HAPLN2: variants seen among roughly 807,000 people sequenced by gnomAD.
HAPLN2 encodes the protein hyaluronan and proteoglycan link protein 2, also known as brain link protein-1.
A neutral mutation model predicts 29.3 loss-of-function variants in HAPLN2; 27 were observed. The observed-to-expected ratio is 0.92, with a 90% CI of 0.68 to 1.27. HAPLN2 has a LOEUF of 1.27. HAPLN2 is among the 50% of genes most tolerant of loss of function. HAPLN2 has a pLI of 0.00. For missense variants in HAPLN2, 454 were observed against 484.3 expected, an observed-to-expected ratio of 0.94 and a Z score of 0.59; for synonymous variants, 208 against 211.7, an observed-to-expected ratio of 0.98 and a Z score of 0.15.
chr1:156,603,942 C>A, the HAPLN2 span, among the ~76,000 whole-genome samples: 1 of 152,136 alleles, frequency 6.6e-6, no homozygotes, highest in East Asian at 1.9e-4. Context: ...GTCTGAGACC[C>A]CTGGGAGCTT....
At chr1:156,624,907 C>CCGGGGGG in intron 6 of HAPLN2, 124 bp downstream of exon 6, 1 of 1,144,276 alleles carries the variant, frequency 8.7e-7, no homozygotes, top group Non-Finnish European at 1.2e-6. Flanking sequence ...GCCCCCCCAT[C>CCGGGGGG]AGCCCGCCCG....
At chr1:156,624,566 G>A (rs768147616) in intron 5 of HAPLN2, 35 bp from the exon 6 acceptor site, 8 of 1,606,290 alleles carry the variant, frequency 5.0e-6, no homozygotes, top group East Asian at 2.2e-5. Context: ...TGCCTATGAC[G>A]CCTCTTATCC....
In HAPLN2 at chr1:156,624,700, G is replaced by T; in HGVS notation, c.656G>T (p.Gly219Val). The change falls in exon 6 of 7, where the codon GGC (glycine) becomes GTC (valine). Residue 219 changes from glycine to valine, a missense_variant. By Grantham distance (109) the Gly-to-Val change is moderately radical. Coordinates refer to ENST00000255039, the MANE Select transcript of HAPLN2 (RefSeq NM_021817.3). ...LTARAPCGGRGRPGIRSYGPR... is the reference protein window; with the variant it reads ...LTARAPCGGRVRPGIRSYGPR... ...GCACGCGCCCCGTGCGGCGGCCGAG[G>T]CCGGCCCGGGATCCGCAGCTACGGA... The T allele has an allele frequency of 1.3e-6, 2 of 1,593,912 alleles. No homozygotes were observed.
At chr1:156,617,067 G>A (rs564111581), upstream of HAPLN2, among the ~76,000 whole-genome samples, 13 of 149,686 alleles carry the variant, frequency 8.7e-5, no homozygotes, top group African/African-American at 2.9e-4. Flanking sequence ...TCCAGCCTGG[G>A]TGACAGAGTG....
the HAPLN2 span, among the ~76,000 whole-genome samples, chr1:156,602,549 C>CAAAA: frequency 1.4e-4 from 6 of 43,788 alleles, no homozygotes; most frequent in African/African-American, 2.1e-4. Flanking sequence ...CTAAAAATAC[C>CAAAA]AAAAAAAAAA....
At chr1:156,621,383 G>A (rs1678215938) in intron 2 of HAPLN2, among the ~76,000 whole-genome samples, 1 of 151,654 alleles carries the variant, frequency 6.6e-6, no homozygotes, top group Non-Finnish European at 1.5e-5. Flanking sequence ...GATTACAGGT[G>A]TGACCCACTG....
At chr1:156,604,446 C>T in the HAPLN2 span, among the ~76,000 whole-genome samples, 595 of 152,198 alleles carry the variant, frequency 3.9e-3, 5 homozygotes, top group African/African-American at 0.013. Flanking sequence ...CGTGCCACCA[C>T]GCCCAGCTAA....
At chr1:156,610,145 T>G in the HAPLN2 span, among the ~76,000 whole-genome samples, 1 of 150,952 alleles carries the variant, frequency 6.6e-6, no homozygotes, top group South Asian at 2.1e-4. Flanking sequence ...ACCCAGGAGG[T>G]GGAGGTTCCA....
At chr1:156,602,367 A>G in the HAPLN2 span, among the ~76,000 whole-genome samples, 82,539 of 151,478 alleles carry the variant, frequency 0.54, 26,677 homozygotes, top group Non-Finnish European at 0.72. Context: ...GAAACTTGGG[A>G]CCTTGAGTGG....
Position 156,623,847 on chromosome 1 carries a change from C to T in HAPLN2, c.126C>T (p.His42=), listed in dbSNP as rs1381110576. The change falls in exon 4 of 7, where the codon CAC becomes CAT. Residue 42 remains histidine (H), a synonymous_variant. Coordinates refer to ENST00000255039, the MANE Select transcript of HAPLN2 (RefSeq NM_021817.3). ...PGPHYLLPPI[H]EVIHSHRGAT... is the part of the protein sequence containing the mutation. ...CCCACTACCTCCTGCCCCCCATCCA[C>T]GAGGTCATTCACTCTCATCGTGGGG... 1.3e-6 allele frequency: 2 copies of T among 1,543,210 alleles called. No individual in the cohort carries two copies. The highest frequency in any genetic ancestry group is 8.7e-7 in the Non-Finnish European group (1 of 1,145,346).
chr1:156,602,657 G>C, the HAPLN2 span, among the ~76,000 whole-genome samples: 5 of 151,216 alleles, frequency 3.3e-5, no homozygotes, highest in African/African-American at 1.2e-4. Flanking sequence ...AGTGAGGGGA[G>C]GGCGGAGGTT....
At position 156,625,417 on chromosome 1, in the gene HAPLN2, G is replaced by C. The variant is rs1284741889; in HGVS notation, c.*33G>C. 6.5e-7 allele frequency: 1 copy of C among 1,545,796 alleles called. No individual in the cohort carries two copies. On this transcript the variant is annotated 3_prime_UTR_variant, in exon 7 of 7. Transcript: ENST00000255039. The surrounding 1 kb of genome is among the most constrained non-coding windows in gnomAD (Gnocchi z 5.7). ...CCGTGTCCCCTCCAGCGCGCGCGAA[G>C]AAGCTTGGGAGTCGTGGCGGGGGTC...
chr1:156,618,470 C>A (rs1042226586), upstream of HAPLN2, among the ~76,000 whole-genome samples: 3 of 151,378 alleles, frequency 2.0e-5, no homozygotes, highest in Admixed American at 6.6e-5. Flanking sequence ...CAGATAGAGG[C>A]CTTGTCTTAA....
chr1:156,603,042 A>G, the HAPLN2 span, among the ~76,000 whole-genome samples: 1 of 152,076 alleles, frequency 6.6e-6, no homozygotes, highest in African/African-American at 2.4e-5. Flanking sequence ...AACATGCTAC[A>G]TGGGGACAAT....
At chr1:156,601,530 C>A in the HAPLN2 span, 4 of 1,453,534 alleles carry the variant, frequency 2.8e-6, 1 homozygote, top group Admixed American at 7.8e-5. Context: ...TCCGCGGGAA[C>A]CAAAATCACG....
At chr1:156,604,083 A>T in the HAPLN2 span, among the ~76,000 whole-genome samples, 1 of 152,204 alleles carries the variant, frequency 6.6e-6, no homozygotes, top group Non-Finnish European at 1.5e-5. Flanking sequence ...AAAGGCCATT[A>T]TGAGAGAAAA....
intron 2 of HAPLN2, among the ~76,000 whole-genome samples, chr1:156,621,102 A>ATTT (rs10653107): frequency 0.027 from 3,351 of 126,006 alleles, 129 homozygotes; most frequent in Middle Eastern, 0.036. Context: ...AGAAGTCTTC[A>ATTT]TTTTTTTTTT....
rs1678412841 is a variant in HAPLN2 at position 156,625,289 on chromosome 1, C to T, written c.928C>T (p.Arg310Cys). The change falls in exon 7 of 7, where the codon CGC becomes TGC. Residue 310 changes from arginine to cysteine, a missense_variant. By Grantham distance (180) the Arg-to-Cys change is radical. Around this residue, in one of 3 missense-constraint regions of HAPLN2, gnomAD observed 235 missense variants for 236.9 expected, o/e 0.99. Transcript: ENST00000255039. The surrounding 1 kb of genome is among the most constrained non-coding windows in gnomAD (Gnocchi z 5.7). ...CTTCCCAATCACCACGCCGAGGCCG[C>T]GCTGCGGGGGGCTCCCGGATCCCGG... ...VRFPITTPRP[R>C]CGGLPDPGVR... 1 of 1,578,032 alleles carries T rather than the reference C, an allele frequency of 6.3e-7. No homozygotes were observed. The highest frequency in any genetic ancestry group is 1.3e-5 in the African/African-American group (1 of 74,122).
rs1311787851 is a variant in HAPLN2 at position 156,625,442 on chromosome 1, C to A, written c.*58C>A. 2.7e-6 allele frequency: 4 copies of A among 1,475,012 alleles called. No homozygotes were observed. Among genetic ancestry groups the A allele is most frequent in the South Asian group, 1.3e-5 (1 of 76,376 alleles). 91.4% of individuals were successfully genotyped at this position (1,475,012 alleles called of 1,614,324 possible). ...GAAGCTTGGGAGTCGTGGCGGGGGT[C>A]TCTCGCCACCCCTTTCCGGAGAGCC... On this transcript the variant is annotated 3_prime_UTR_variant, in exon 7 of 7. Coordinates refer to ENST00000255039, the MANE Select transcript of HAPLN2 (RefSeq NM_021817.3). The surrounding 1 kb of genome is among the most constrained non-coding windows in gnomAD (Gnocchi z 5.7).
Sources: allele counts gnomAD v4.1 joint callset (sites outside exome capture counted in the v4.1 genomes callset), GRCh38; gene constraint gnomAD v4.1.1; regional missense constraint gnomAD v4.1.1; non-coding constraint Gnocchi (gnomAD v3.1); transcripts MANE v1.5; gene names NCBI Gene and HGNC (gene_info 2026-07-23, HGNC 2026-07-21).